Variants in SLC30A10 observed in about 807,000 individuals in gnomAD.
SLC30A10 encodes the protein calcium/manganese antiporter SLC30A10.
SLC30A10 carries 8 observed loss-of-function variants against 21.7 expected under a neutral mutation model. The ratio of observed to expected loss-of-function variants is 0.37; its 90% confidence interval spans 0.22 to 0.67. The LOEUF (loss-of-function observed/expected upper bound fraction) is 0.67. Among genes scored for constraint, SLC30A10 ranks in the 30% least tolerant of loss-of-function variants. The probability of loss-of-function intolerance (pLI) is 0.58; values close to 1 mark genes in which losing one functional copy is unlikely to be tolerated. For synonymous variants in SLC30A10, 272 were observed against 279.4 expected, an observed-to-expected ratio of 0.97 and a Z score of 0.26; for missense variants, 521 against 642.5, an observed-to-expected ratio of 0.81 and a Z score of 2.04.
In SLC30A10 at chr1:219,915,764, C is replaced by T. The variant is rs1040426993; in HGVS notation, c.1143G>A (p.Gln381=). The T allele has an allele frequency of 6.2e-7, 1 of 1,614,086 alleles. No individual in the cohort carries two copies. The highest frequency in any genetic ancestry group is 1.3e-5 in the African/African-American group (1 of 74,936). The change falls in exon 4 of 4, where the codon CAG becomes CAA. Residue 381 remains glutamine, a synonymous_variant. Coordinates refer to ENST00000366926, the MANE Select transcript of SLC30A10 (RefSeq NM_018713.3). ...GTTCCTTCAAGTCCACATTTTCAAACTGGATGGTCACATTGTGGATTCCCG... is the reference window on the plus strand; with the variant it reads ...GTTCCTTCAAGTCCACATTTTCAAATTGGATGGTCACATTGTGGATTCCCG... The part of the protein sequence containing the change: ...HHAGIHNVTI[Q]FENVDLKEPL...
Position 219,915,276 on chromosome 1 carries a change from TA to T in SLC30A10, c.*172del. On this transcript the variant is annotated 3_prime_UTR_variant, in exon 4 of 4. Coordinates refer to ENST00000366926, the MANE Select transcript of SLC30A10 (RefSeq NM_018713.3). ...GGGGAATGGAAAGGAGTTAGTTACA[TA>T]AAAATTCACAGACACGTTTAACTAA... 1.3e-6 allele frequency: 1 copy of T among 753,904 alleles called. No homozygotes were observed. Among genetic ancestry groups the T allele is most frequent in the Non-Finnish European group, 2.2e-6 (1 of 453,228 alleles). The allele number at this position is 753,904 out of a possible 1,614,324, so 46.7% of individuals were successfully genotyped here. A position where few individuals can be genotyped will look rare whatever the true frequency, so the allele number is the denominator to read the frequency against.
intron 3 of SLC30A10, 45 bp from the exon 4 acceptor site, chr1:219,915,993 T>A: frequency 6.3e-7 from 1 of 1,579,588 alleles, no homozygotes; most frequent in Non-Finnish European, 8.6e-7. Context: ...AGCGCTGCAT[T>A]TGAAACATGG....
intron 1 of SLC30A10, among the ~76,000 whole-genome samples, chr1:219,944,001 G>A (rs1202418607): frequency 6.6e-6 from 1 of 151,636 alleles, no homozygotes; most frequent in Non-Finnish European, 1.5e-5. Flanking sequence ...TCTGGAAGCT[G>A]AGGTAGGAGA....
intron 2 of SLC30A10, among the ~76,000 whole-genome samples, 160 bp downstream of exon 2, chr1:219,926,868 C>T (rs766307250): frequency 6.6e-6 from 1 of 152,104 alleles, no homozygotes; most frequent in Non-Finnish European, 1.5e-5. Flanking sequence ...CCCTCAGGAT[C>T]AATGCAGTGA....
At chr1:219,927,228 GCACACCCA>G in intron 1 of SLC30A10, 123 bp from the exon 2 acceptor site, 1 of 932,396 alleles carries the variant, frequency 1.1e-6, no homozygotes, top group Non-Finnish European at 1.7e-6. Flanking sequence ...AGACCCTTCT[GCACACCCA>G]CAGCTCAGAA....
At chr1:219,956,066 G>A (rs552129530) in intron 1 of SLC30A10, among the ~76,000 whole-genome samples, 3 of 152,140 alleles carry the variant, frequency 2.0e-5, no homozygotes, top group Non-Finnish European at 2.9e-5. Context: ...CAAAATGTAT[G>A]GTTCAGAAAA....
intron 1 of SLC30A10, among the ~76,000 whole-genome samples, chr1:219,934,780 G>T (rs1660024964): frequency 6.6e-6 from 1 of 152,142 alleles, no homozygotes; most frequent in African/African-American, 2.4e-5. Flanking sequence ...TCATTTGAGA[G>T]CAAAGAGGCC....
chr1:219,927,958 G>A lies in SLC30A10; in HGVS notation c.483C>T (p.Gly161=), dbSNP rs1216250544. 6.5e-7 allele frequency: 1 copy of A among 1,545,966 alleles called. No individual in the cohort carries two copies. Among genetic ancestry groups the A allele is most frequent in the Admixed American group, 2.0e-5 (1 of 50,938 alleles). ...RLQQRQQLAE[G]CVPGAFGGPQ... ...GCCCCCCGAAAGCGCCGGGGACACAGCCCTCCGCCAGCTGCTGCCGCTGCT... is the reference window on the plus strand; with the variant it reads ...GCCCCCCGAAAGCGCCGGGGACACAACCCTCCGCCAGCTGCTGCCGCTGCT... Residue 161 remains glycine (G), a synonymous_variant, in exon 1 of 4, where the codon GGC becomes GGT. Coordinates refer to ENST00000366926, the MANE Select transcript of SLC30A10 (RefSeq NM_018713.3).
At chr1:219,927,222 C>A (rs1659847119) in intron 1 of SLC30A10, 117 bp from the exon 2 acceptor site, 1 of 990,272 alleles carries the variant, frequency 1.0e-6, no homozygotes, top group African/African-American at 1.6e-5. Context: ...TAAGGGAGAC[C>A]CTTCTGCACA....
intron 1 of SLC30A10, among the ~76,000 whole-genome samples, chr1:219,936,595 G>T (rs532885870): frequency 6.6e-6 from 1 of 152,100 alleles, no homozygotes; most frequent in Non-Finnish European, 1.5e-5. Context: ...TTCTTCTTTC[G>T]GAATTTTTCA....
upstream of SLC30A10, among the ~76,000 whole-genome samples, chr1:219,929,346 C>T (rs879182382): frequency 3.3e-5 from 5 of 152,150 alleles, no homozygotes; most frequent in Admixed American, 3.3e-4. Flanking sequence ...GGCTGGTCTA[C>T]TTTGTGGTAG....
At chr1:219,930,925 C>T (rs182220910), upstream of SLC30A10, among the ~76,000 whole-genome samples, 3 of 152,246 alleles carry the variant, frequency 2.0e-5, no homozygotes, top group Admixed American at 2.0e-4. Context: ...AATACTACAG[C>T]ACATGTGTGA....
Position 219,921,931 on chromosome 1 carries a change from G to GAGAGAC in SLC30A10, c.719-3438_719-3437insGTCTCT, listed in dbSNP as rs1363758906. Among the ~76,000 whole-genome samples the GAGAGAC allele has an allele frequency of 1.1e-4, 16 of 149,364 alleles. No individual in the cohort carries two copies. The East Asian group carries it at 3.2e-3, about 30-fold the overall frequency. On this transcript the variant is annotated intron_variant, in intron 2 of 3. Transcript: ENST00000366926. ...AAAGAGAGAGAGAGACAGAGAGAGA[G>GAGAGAC]AGAGAGAGAGAGACCGAGAGAGAGA...
intron 1 of SLC30A10, among the ~76,000 whole-genome samples, chr1:219,951,300 AT>A (rs1385350724): frequency 3.3e-5 from 5 of 152,066 alleles, no homozygotes; most frequent in Non-Finnish European, 7.4e-5. Flanking sequence ...GATACCTAAG[AT>A]GAGGCTCAAA....
In SLC30A10 at chr1:219,912,243, C is replaced by A. The variant is rs1342416080; in HGVS notation, c.*3206G>T. ...CTTAATTCTTCCTCAAATAATGTCTCCCTACTTTATTGACATTTTATCAAG... is the reference window on the plus strand; with the variant it reads ...CTTAATTCTTCCTCAAATAATGTCTACCTACTTTATTGACATTTTATCAAG... On this transcript the variant is annotated 3_prime_UTR_variant, in exon 4 of 4. Transcript: ENST00000366926. Among the ~76,000 whole-genome samples, 3 of 150,096 alleles carry A rather than the reference C, an allele frequency of 2.0e-5. No individual in the cohort carries two copies. The East Asian group carries it at 5.9e-4, about 29-fold the overall frequency.
chr1:219,913,907 C>T lies in SLC30A10; in HGVS notation c.*1542G>A, dbSNP rs1659471747. ...GCCAGCTGGGCAACATAGCGAGACC[C>T]TGTCTCTACAAAAAAAGAAAAAAAT... On this transcript the variant is annotated 3_prime_UTR_variant, in exon 4 of 4. Coordinates refer to ENST00000366926, the MANE Select transcript of SLC30A10 (RefSeq NM_018713.3). 6.6e-6 allele frequency: 1 copy of T among 152,112 alleles called. No individual in the cohort carries two copies. Among genetic ancestry groups the T allele is most frequent in the Admixed American group, 6.5e-5 (1 of 15,268 alleles). 9.4% of individuals were successfully genotyped at this position (152,112 alleles called of 1,614,324 possible). A position where few individuals can be genotyped will look rare whatever the true frequency, so the allele number is the denominator to read the frequency against.
upstream of SLC30A10, among the ~76,000 whole-genome samples, chr1:219,932,591 G>A (rs982504689): frequency 6.6e-6 from 1 of 151,328 alleles, no homozygotes; most frequent in Non-Finnish European, 1.5e-5. Context: ...TAATGTGTAC[G>A]TCTGTAACCT....
upstream of SLC30A10, among the ~76,000 whole-genome samples, chr1:219,931,192 AT>A (rs773487718): frequency 1.1e-4 from 17 of 152,368 alleles, no homozygotes; most frequent in Non-Finnish European, 2.2e-4. Context: ...ATCAGCAGAA[AT>A]GTATCACTGG....
At position 219,915,180 on chromosome 1, in the gene SLC30A10, A is replaced by G. The variant is rs2102523928; in HGVS notation, c.*269T>C. On this transcript the variant is annotated 3_prime_UTR_variant, in exon 4 of 4. Coordinates refer to ENST00000366926, the MANE Select transcript of SLC30A10 (RefSeq NM_018713.3). ...CCAGACTTTAATGTCCCTGATATAT[A>G]CACTAGTGCAGTTTGCTTTAGAAAA... 6.6e-6 allele frequency: 3 copies of G among 454,702 alleles called. No homozygotes were observed. Among genetic ancestry groups the G allele is most frequent in the Non-Finnish European group, 1.2e-5 (3 of 250,110 alleles). 28.2% of individuals were successfully genotyped at this position (454,702 alleles called of 1,614,324 possible). A position where few individuals can be genotyped will look rare whatever the true frequency, so the allele number is the denominator to read the frequency against.
Sources: allele counts gnomAD v4.1 joint callset (sites outside exome capture counted in the v4.1 genomes callset), GRCh38; gene constraint gnomAD v4.1.1; transcripts MANE v1.5; gene names NCBI Gene and HGNC (gene_info 2026-07-23, HGNC 2026-07-21).